Variants in PCDHA2 observed in about 807,000 individuals in gnomAD.
The protein encoded by PCDHA2 is protocadherin alpha 2, also known as protocadherin alpha-2.
Under a neutral mutation model 66.0 loss-of-function variants are expected in PCDHA2, and 58 were observed. The ratio of observed to expected loss-of-function variants is 0.88; its 90% CI spans 0.71 to 1.09. PCDHA2 has a LOEUF of 1.09. Among genes scored for constraint, PCDHA2 ranks in the 50% least tolerant of loss-of-function variants. The pLI, the probability that PCDHA2 is intolerant of heterozygous loss-of-function variation, is 0.00. For synonymous variants in PCDHA2, 634 were observed against 554.0 expected (o/e 1.14, Z -2.03); for missense variants, 1,267 against 1,242.3 (o/e 1.02, Z -0.30).
At chr5:140,850,321 A>G (rs2150479492) in intron 1 of PCDHA2, 1 of 1,597,400 alleles carries the variant, frequency 6.3e-7, no homozygotes, top group Admixed American at 1.7e-5. Context: ...TGGCTTTCAT[A>G]CGAGCTGCAG....
At chr5:140,963,989 T>C (rs2095803669) in intron 1 of PCDHA2, among the ~76,000 whole-genome samples, 1 of 152,202 alleles carries the variant, frequency 6.6e-6, no homozygotes, top group Non-Finnish European at 1.5e-5. Flanking sequence ...ATATTCCTAA[T>C]TACTGTGTTC....
intron 1 of PCDHA2, chr5:140,858,776 C>G (rs2045586511): frequency 2.4e-6 from 1 of 420,578 alleles, no homozygotes; most frequent in Admixed American, 4.3e-5. Context: ...GAGATTAGTA[C>G]TTCATGTTAT....
chr5:140,869,810 A>T lies in PCDHA2; in HGVS notation c.2388+72458A>T, dbSNP rs2051437780. On this transcript the variant is annotated intron_variant, in intron 1 of 3. Transcript: ENST00000526136. ...CTGTTAGTCCAAGTCTTGGATGTCA[A>T]CGACAATGATCCAGAGTTTGATAAA... The T allele has an allele frequency of 6.2e-7, 1 of 1,612,624 alleles. No individual in the cohort carries two copies.
chr5:141,002,080 C>A (rs1220737696), intron 3 of PCDHA2, among the ~76,000 whole-genome samples: 1 of 152,236 alleles, frequency 6.6e-6, no homozygotes, highest in Non-Finnish European at 1.5e-5. Context: ...CGCCAAAGAA[C>A]GAGCAGTCCA....
chr5:140,870,472 C>G (rs782403878), intron 1 of PCDHA2: 4 of 1,614,240 alleles, frequency 2.5e-6, no homozygotes, highest in South Asian at 1.1e-5. Flanking sequence ...GTTCGCACAG[C>G]CCGAGTACAC....
intron 1 of PCDHA2, among the ~76,000 whole-genome samples, chr5:140,838,434 A>G (rs1554137076): frequency 1.3e-5 from 2 of 151,392 alleles, no homozygotes; most frequent in Non-Finnish European, 2.9e-5. Context: ...TAAATTATAT[A>G]TTGGGTTTTG....
chr5:140,928,351 G>A lies in PCDHA2; in HGVS notation c.2389-50598G>A, dbSNP rs201396871. ...CCTTGTCTCTTATGAGCTGTTGGAT[G>A]TTATCTCTGAAGGGCCATCAGCCTC... On this transcript the variant is annotated intron_variant, in intron 1 of 3. Coordinates refer to ENST00000526136, the MANE Select transcript of PCDHA2 (RefSeq NM_018905.3). The A allele has an allele frequency of 1.2e-5, 20 of 1,614,150 alleles. No individual in the cohort carries two copies. In the East Asian group the frequency reaches 4.5e-4, roughly 36 times the overall value.
chr5:140,993,596 A>G (rs562427268), intron 3 of PCDHA2, among the ~76,000 whole-genome samples: 53 of 152,194 alleles, frequency 3.5e-4, no homozygotes, highest in Admixed American at 2.6e-4. Flanking sequence ...CTTGGCTCCA[A>G]TAGAGAATTT....
At chr5:140,835,062 C>G in intron 1 of PCDHA2, 2 of 1,216,122 alleles carry the variant, frequency 1.6e-6, no homozygotes, top group South Asian at 1.5e-5. Context: ...TGGCACCGTT[C>G]AATTACTCAT....
At chr5:140,942,900 GA>G (rs1383279314) in intron 1 of PCDHA2, among the ~76,000 whole-genome samples, 1 of 151,718 alleles carries the variant, frequency 6.6e-6, no homozygotes, top group Non-Finnish European at 1.5e-5. Context: ...TTATCTCTAA[GA>G]ATAAGCGTGA....
chr5:140,859,369 T>C (rs1469149070), intron 1 of PCDHA2: 1 of 262,962 alleles, frequency 3.8e-6, no homozygotes, highest in Non-Finnish European at 7.0e-6. Flanking sequence ...TATTGTATAG[T>C]TTAATAGCTT....
chr5:140,920,821 C>T (rs1389717155), intron 1 of PCDHA2, among the ~76,000 whole-genome samples: 11 of 146,336 alleles, frequency 7.5e-5, no homozygotes, highest in South Asian at 2.1e-4. Flanking sequence ...TCCAGCCTGG[C>T]GACGGAGCAA....
chr5:140,919,097 C>T lies in PCDHA2; in HGVS notation c.2389-59852C>T, dbSNP rs531325561. Among the ~76,000 whole-genome samples the T allele has an allele frequency of 5.3e-5, 8 of 152,242 alleles. No homozygotes were observed. The South Asian group carries it at 1.7e-3, about 32-fold the overall frequency. ...TATGACTATTGAATTGTCTATTTCT[C>T]CCTTCATTTCTGCCAGTTTTTGCTT... On this transcript the variant is annotated intron_variant, in intron 1 of 3. Coordinates refer to ENST00000526136, the MANE Select transcript of PCDHA2 (RefSeq NM_018905.3).
At chr5:140,884,169 C>A in intron 1 of PCDHA2, 2 of 1,613,426 alleles carry the variant, frequency 1.2e-6, no homozygotes, top group South Asian at 1.1e-5. Flanking sequence ...ATCAGCACGA[C>A]GCGCCCTCTG....
intron 1 of PCDHA2, among the ~76,000 whole-genome samples, chr5:140,855,480 A>T (rs567213059): frequency 4.7e-5 from 7 of 150,092 alleles, no homozygotes; most frequent in Middle Eastern, 6.8e-3. Context: ...GATGCTTGAC[A>T]TTAGTGTCTA....
chr5:140,853,458 T>C (rs17119248), intron 1 of PCDHA2: 56,285 of 974,400 alleles, frequency 0.058, 6,090 homozygotes, highest in Middle Eastern at 0.078. Context: ...GGTCTCCTTA[T>C]ATGCATCTGT....
At chr5:140,969,045 C>A (rs782611179) in intron 1 of PCDHA2, 1 of 1,614,090 alleles carries the variant, frequency 6.2e-7, no homozygotes, top group Admixed American at 1.7e-5. Context: ...TACAAACAAG[C>A]CAACAACAAT....
intron 1 of PCDHA2, among the ~76,000 whole-genome samples, chr5:140,918,821 GC>G (rs35355209): frequency 0.76 from 114,950 of 152,064 alleles, 44,573 homozygotes; most frequent in African/African-American, 0.94. Flanking sequence ...CCAAAAAGTG[GC>G]CCCCTCCCCA....
At chr5:140,845,938 G>T (rs1554141077) in intron 1 of PCDHA2, among the ~76,000 whole-genome samples, 1 of 149,608 alleles carries the variant, frequency 6.7e-6, no homozygotes, top group South Asian at 2.1e-4. Flanking sequence ...ACTATCTTCT[G>T]TAAAGTCATT....
Sources: gnomAD v4.1 joint callset for allele counts (sites outside exome capture counted in the v4.1 genomes callset) on GRCh38, gnomAD v4.1.1 for gene constraint, MANE v1.5 for transcripts, NCBI Gene and HGNC (gene_info 2026-07-23, HGNC 2026-07-21) for gene names.